Variants in EDEM3 observed in about 807,000 individuals in gnomAD.
The protein encoded by EDEM3 is ER degradation-enhancing alpha-mannosidase-like protein 3.
Under a neutral mutation model 110.2 loss-of-function variants are expected in EDEM3, and 60 were observed. The ratio of observed to expected loss-of-function variants is 0.54; its 90% CI spans 0.44 to 0.67. EDEM3 has a LOEUF of 0.67. Ranked by LOEUF, EDEM3 falls within the 30% of genes least tolerant of loss-of-function variation. The probability of loss-of-function intolerance (pLI) is 0.00; values close to 1 mark genes in which losing one functional copy is unlikely to be tolerated. For synonymous variants in EDEM3, 352 were observed against 382.9 expected (o/e 0.92, Z 0.94); for missense variants, 996 against 1,121.0 (o/e 0.89, Z 1.59).
intron 14 of EDEM3, among the ~76,000 whole-genome samples, 184 bp downstream of exon 14, chr1:184,712,249 A>C (rs938477345): frequency 6.6e-6 from 1 of 152,156 alleles, no homozygotes; most frequent in Non-Finnish European, 1.5e-5. Context: ...TTTTAAAAGG[A>C]AACAGTTAAT....
intron 19 of EDEM3, among the ~76,000 whole-genome samples, chr1:184,700,582 T>C (rs1432987093): frequency 6.6e-6 from 1 of 151,994 alleles, no homozygotes; most frequent in Non-Finnish European, 1.5e-5. Context: ...GTTTGAAGTT[T>C]CAGATTCTGA....
intron 1 of EDEM3, among the ~76,000 whole-genome samples, 184 bp downstream of exon 1, chr1:184,754,305 G>C (rs776753137): frequency 6.6e-6 from 1 of 151,532 alleles, no homozygotes; most frequent in Admixed American, 6.6e-5. Context: ...GCTCCCCCGA[G>C]GTCAGGTCGC....
intron 2 of EDEM3, among the ~76,000 whole-genome samples, chr1:184,748,376 G>A (rs1652555110): frequency 6.6e-6 from 1 of 151,926 alleles, no homozygotes; most frequent in African/African-American, 2.4e-5. Flanking sequence ...GAACCTGGGA[G>A]GTGGTGGCTG....
At chr1:184,703,455 C>T (rs761991668) in intron 18 of EDEM3, among the ~76,000 whole-genome samples, 1 of 152,172 alleles carries the variant, frequency 6.6e-6, no homozygotes, top group South Asian at 2.1e-4. Context: ...GGCATGATTA[C>T]ATTGTTTTAC....
intron 13 of EDEM3, among the ~76,000 whole-genome samples, chr1:184,715,747 T>G (rs983312563): frequency 3.9e-5 from 6 of 152,210 alleles, no homozygotes; most frequent in African/African-American, 1.4e-4. Flanking sequence ...GAAGACTGTC[T>G]GGAGTATAGG....
At chr1:184,730,058 A>G (rs1038259764) in intron 6 of EDEM3, among the ~76,000 whole-genome samples, 7 of 152,248 alleles carry the variant, frequency 4.6e-5, no homozygotes, top group African/African-American at 1.4e-4. Flanking sequence ...TTAAAATATA[A>G]TTCAATTTTT....
chr1:184,736,026 A>G (rs1332106145), intron 4 of EDEM3, among the ~76,000 whole-genome samples: 2 of 152,154 alleles, frequency 1.3e-5, no homozygotes, highest in East Asian at 3.8e-4. Context: ...ATATTCCATT[A>G]ATCTCCAAAA....
chr1:184,720,135 T>C lies in EDEM3; in HGVS notation c.952-567A>G, dbSNP rs1650801598. Among the ~76,000 whole-genome samples the C allele has an allele frequency of 2.0e-5, 3 of 152,222 alleles. No homozygotes were observed. The South Asian group carries it at 6.2e-4, about 31-fold the overall frequency. On this transcript the variant is annotated intron_variant, in intron 9 of 19. Coordinates refer to ENST00000318130, the MANE Select transcript of EDEM3 (RefSeq NM_025191.4). ...ATATTTCTCAGCTTTGACAAAAGGT[T>C]GAGTTGTGATAACAAGCCAACAAAA...
chr1:184,731,831 T>A (rs139408935), intron 6 of EDEM3, among the ~76,000 whole-genome samples: 1 of 152,250 alleles, frequency 6.6e-6, no homozygotes, highest in East Asian at 1.9e-4. Context: ...AAAAATGAGA[T>A]CCTGTCATTT....
chr1:184,744,249 A>AATATATATATAT (rs55959890), intron 2 of EDEM3, among the ~76,000 whole-genome samples: 15 of 87,610 alleles, frequency 1.7e-4, no homozygotes, highest in Non-Finnish European at 3.0e-4. Flanking sequence ...ACAAATGACA[A>AATATATATATAT]ATATATATAT....
intron 11 of EDEM3, among the ~76,000 whole-genome samples, chr1:184,717,937 C>T (rs985762947): frequency 6.6e-6 from 1 of 151,832 alleles, no homozygotes; most frequent in Non-Finnish European, 1.5e-5. Context: ...TCTTTTTATC[C>T]TTCCCTCTAC....
chr1:184,749,894 A>G (rs1652658162), intron 1 of EDEM3, among the ~76,000 whole-genome samples: 1 of 152,210 alleles, frequency 6.6e-6, no homozygotes, highest in East Asian at 1.9e-4. Context: ...CAGAGAAGGA[A>G]ATCTGATGCA....
chr1:184,754,618 C>T lies in EDEM3; in HGVS notation c.29G>A (p.Gly10Glu), dbSNP rs1231713225. MSEAGGRGCGSPVPQRARWR... is the reference protein window; with the variant it reads MSEAGGRGCESPVPQRARWR... ...TCGCGCTCGCTGGGGAACCGGGGAC[C>T]CACAGCCCCGGCCGCCGGCTTCGCT... Residue 10 changes from glycine to glutamate, a missense_variant, in exon 1 of 20, where the codon GGG (glycine) becomes GAG (glutamate). By Grantham distance (98) the Gly-to-Glu change is moderately conservative. Coordinates refer to ENST00000318130, the MANE Select transcript of EDEM3 (RefSeq NM_025191.4). 1 of 1,601,524 alleles carries T rather than the reference C, an allele frequency of 6.2e-7. No homozygotes were observed. Among genetic ancestry groups the T allele is most frequent in the Admixed American group, 1.7e-5 (1 of 58,230 alleles).
chr1:184,708,063 A>C (rs536732116), intron 17 of EDEM3, 90 bp downstream of exon 17: 4 of 1,193,208 alleles, frequency 3.4e-6, no homozygotes, highest in Admixed American at 3.3e-5. Flanking sequence ...AAATAAATTA[A>C]AACTACTAAA....
chr1:184,744,457 C>T (rs554966732), intron 2 of EDEM3, among the ~76,000 whole-genome samples: 1 of 151,672 alleles, frequency 6.6e-6, no homozygotes, highest in South Asian at 2.1e-4. Context: ...AACTCATACA[C>T]TGCTGGTGGG....
chr1:184,702,878 G>A lies in EDEM3; in HGVS notation c.2322C>T (p.Ile774=), dbSNP rs374981214. 37 of 1,613,278 alleles carry A rather than the reference G, an allele frequency of 2.3e-5. No individual in the cohort carries two copies. The highest frequency in any genetic ancestry group is 2.9e-5 in the Non-Finnish European group (34 of 1,179,714). The change falls in exon 19 of 20, where the codon ATC becomes ATT. Residue 774 remains isoleucine, a synonymous_variant. Transcript: ENST00000318130. ...MLFLFSKEGS[I]ILDAIREYEE... is the part of the protein sequence containing the mutation. ...CATATTCCCGGATGGCATCCAGTAT[G>A]ATACTTCCTTCTTTGCTGAATAAGA... is the stretch of plus-strand genomic sequence containing the variant.
chr1:184,696,493 A>G (rs374303172), intron 19 of EDEM3, among the ~76,000 whole-genome samples: 26 of 151,198 alleles, frequency 1.7e-4, no homozygotes, highest in African/African-American at 5.8e-4. Flanking sequence ...GGAAAGGATC[A>G]CCCCTTTCTG....
chr1:184,740,921 G>T (rs1652100875), intron 2 of EDEM3, among the ~76,000 whole-genome samples: 2 of 152,120 alleles, frequency 1.3e-5, no homozygotes, highest in Non-Finnish European at 2.9e-5. Context: ...GAAATCCTCA[G>T]ATATTTCATG....
chr1:184,732,628 CTTT>C (rs1412019873), intron 6 of EDEM3, among the ~76,000 whole-genome samples: 1 of 152,032 alleles, frequency 6.6e-6, no homozygotes, highest in Non-Finnish European at 1.5e-5. Flanking sequence ...AGAAATAAAA[CTTT>C]TTTAAAGCTT....
Sources: allele counts gnomAD v4.1 joint callset (sites outside exome capture counted in the v4.1 genomes callset), GRCh38; gene constraint gnomAD v4.1.1; transcripts MANE v1.5; gene names NCBI Gene and HGNC (gene_info 2026-07-23, HGNC 2026-07-21).